Variants in PXMP2 observed in about 807,000 individuals in gnomAD.
PXMP2 encodes the protein 22 kDa peroxisomal membrane protein.
Under a neutral mutation model 20.2 loss-of-function variants are expected in PXMP2, and 13 were observed. That is an observed-to-expected ratio of 0.64 (90% confidence interval 0.42 to 1.02). The LOEUF (loss-of-function observed/expected upper bound fraction) is 1.02. Ranked by LOEUF, PXMP2 falls within the 50% of genes least tolerant of loss-of-function variation. The pLI, the probability that PXMP2 is intolerant of heterozygous loss-of-function variation, is 0.00. For synonymous variants in PXMP2, 113 were observed against 111.2 expected, an observed-to-expected ratio of 1.02 and a Z score of -0.10; for missense variants, 284 against 251.8, an observed-to-expected ratio of 1.13 and a Z score of -0.87.
At position 132,696,153 on chromosome 12, in the gene PXMP2, T is replaced by A. The variant is rs2043409159; in HGVS notation, c.399+107T>A. On this transcript the variant is annotated intron_variant, in intron 3 of 4. Coordinates refer to ENST00000317479, the MANE Select transcript of PXMP2 (RefSeq NM_018663.3). The surrounding 1 kb of genome is among the most constrained non-coding windows in gnomAD (Gnocchi z 4.4). ...GGGTCTGCAGATTTTTCACTCAAAT[T>A]GAAATTTTGCATTTTCTTTTATGAA... is the stretch of plus-strand genomic sequence containing the variant. The A allele has an allele frequency of 1.5e-6, 2 of 1,322,352 alleles. No individual in the cohort carries two copies. Among genetic ancestry groups the A allele is most frequent in the Admixed American group, 5.2e-5 (2 of 38,120 alleles). The allele number at this position is 1,322,352 out of a possible 1,614,324, so 81.9% of individuals were successfully genotyped here. A position where few individuals can be genotyped will look rare whatever the true frequency, so the allele number is the denominator to read the frequency against.
At chr12:132,701,625 GC>G in intron 4 of PXMP2, 2 of 489,722 alleles carry the variant, frequency 4.1e-6, no homozygotes, top group South Asian at 4.9e-5. Flanking sequence ...GGTCGTCTTT[GC>G]CTCTTCTGTT....
intron 2 of PXMP2, among the ~76,000 whole-genome samples, chr12:132,695,639 C>T (rs2043405937): frequency 1.3e-5 from 2 of 152,216 alleles, no homozygotes; most frequent in South Asian, 2.1e-4. Context: ...TGAGGAGGAG[C>T]GAGCCAACAT....
intron 3 of PXMP2, among the ~76,000 whole-genome samples, chr12:132,698,664 TC>T (rs2074014658): frequency 6.6e-6 from 1 of 152,214 alleles, no homozygotes; most frequent in Non-Finnish European, 1.5e-5. Context: ...AGTCTCACTC[TC>T]GCCCAGGCTG....
rs756130180 is a variant in PXMP2 at position 132,704,801 on chromosome 12, C to T, written c.*114C>T. ...GTCACTGACTCTAAATCAGGTGATT[C>T]AAGATGCCCAAAAATGATGGATAGA... On this transcript the variant is annotated 3_prime_UTR_variant, in exon 5 of 5. Transcript: ENST00000317479. 1.3e-5 allele frequency: 13 copies of T among 983,848 alleles called. No homozygotes were observed. In the East Asian group the frequency reaches 3.2e-4, roughly 24 times the overall value. The allele number at this position is 983,848 out of a possible 1,614,324, so 60.9% of individuals were successfully genotyped here. A position where few individuals can be genotyped will look rare whatever the true frequency, so the allele number is the denominator to read the frequency against.
intron 2 of PXMP2, among the ~76,000 whole-genome samples, chr12:132,694,466 G>A (rs1298537002): frequency 1.1e-5 from 1 of 89,256 alleles, no homozygotes; most frequent in African/African-American, 3.8e-5. Context: ...GCCAGTTAGT[G>A]AGCTCCCTTA....
intron 2 of PXMP2, among the ~76,000 whole-genome samples, chr12:132,693,846 G>A (rs1191711642): frequency 1.0e-5 from 1 of 97,682 alleles, no homozygotes; most frequent in African/African-American, 3.8e-5. Flanking sequence ...TAGTTAGTGA[G>A]CTCCCTTGCC....
chr12:132,698,054 C>T (rs1212127251), intron 3 of PXMP2, among the ~76,000 whole-genome samples: 1 of 151,574 alleles, frequency 6.6e-6, no homozygotes, highest in African/African-American at 2.4e-5. Flanking sequence ...CACTGTTGCC[C>T]AGGCTGGAGT....
At chr12:132,690,236 G>A in intron 1 of PXMP2, 27 bp from the exon 2 acceptor site, 2 of 1,585,706 alleles carry the variant, frequency 1.3e-6, no homozygotes, top group Non-Finnish European at 1.7e-6. Context: ...GGTCACTGCT[G>A]TTTTCTGATG....
chr12:132,694,192 A>T (rs1345693327), intron 2 of PXMP2, among the ~76,000 whole-genome samples: 40 of 65,772 alleles, frequency 6.1e-4, no homozygotes, highest in Admixed American at 9.3e-4. Context: ...AGCTAGTTAG[A>T]GAGCTCCCTT....
chr12:132,702,781 G>T (rs1225717240), intron 4 of PXMP2, among the ~76,000 whole-genome samples: 1 of 152,214 alleles, frequency 6.6e-6, no homozygotes, highest in Non-Finnish European at 1.5e-5. Flanking sequence ...TGCAGTGGCT[G>T]GACCTCAGCT....
At chr12:132,688,289 A>G (rs2043331623) in intron 1 of PXMP2, 1 of 225,092 alleles carries the variant, frequency 4.4e-6, no homozygotes, top group Non-Finnish European at 8.5e-6. Flanking sequence ...GCGGGTGAAG[A>G]CAGGGCCAGG....
intron 1 of PXMP2, among the ~76,000 whole-genome samples, chr12:132,689,708 A>G (rs760028170): frequency 6.6e-5 from 10 of 152,216 alleles, no homozygotes; most frequent in Non-Finnish European, 1.2e-4. Flanking sequence ...TATTGTGATA[A>G]TTGTAGATTC....
intron 3 of PXMP2, among the ~76,000 whole-genome samples, chr12:132,698,164 C>T (rs1248826970): frequency 6.6e-6 from 1 of 152,036 alleles, no homozygotes; most frequent in Non-Finnish European, 1.5e-5. Flanking sequence ...TGCCCGCCAC[C>T]ATGCCCGGCT....
intron 4 of PXMP2, chr12:132,702,466 G>C (rs570864763): frequency 6.1e-5 from 25 of 406,544 alleles, no homozygotes; most frequent in Non-Finnish European, 1.1e-4. Context: ...TGGGAGGATG[G>C]GGTGCAGCAC....
intron 2 of PXMP2, among the ~76,000 whole-genome samples, chr12:132,690,580 T>C (rs1163231126): frequency 2.8e-5 from 1 of 35,636 alleles, no homozygotes; most frequent in African/African-American, 9.0e-5. Flanking sequence ...TGTTTTTTCT[T>C]TTTTTTTGGA....
At chr12:132,689,181 T>TG (rs1193459101) in intron 1 of PXMP2, among the ~76,000 whole-genome samples, 80 of 133,558 alleles carry the variant, frequency 6.0e-4, no homozygotes, top group African/African-American at 2.2e-3. Flanking sequence ...GGGGCACGGG[T>TG]AAAGACAGGG....
Position 132,696,050 on chromosome 12 carries a change from G to A in PXMP2, c.399+4G>A. ...CCTCATCATGAACTTTCTGGAGGTGGGTGTCTGCCACAGCACTTACTGCAG... is the reference window on the plus strand; with the variant it reads ...CCTCATCATGAACTTTCTGGAGGTGAGTGTCTGCCACAGCACTTACTGCAG... On this transcript the variant is annotated splice_donor_region_variant and intron_variant, in intron 3 of 4. Transcript: ENST00000317479. The surrounding 1 kb of genome is among the most constrained non-coding windows in gnomAD (Gnocchi z 4.4). The A allele has an allele frequency of 2.5e-6, 4 of 1,599,960 alleles. No individual in the cohort carries two copies. Among genetic ancestry groups the A allele is most frequent in the Non-Finnish European group, 3.4e-6 (4 of 1,171,830 alleles).
chr12:132,704,729 T>G lies in PXMP2; in HGVS notation c.*42T>G, dbSNP rs1476045612. The G allele has an allele frequency of 6.3e-7, 1 of 1,581,244 alleles. No individual in the cohort carries two copies. ...ATCAGGTGCACTGTGGACGTGGGTC[T>G]GGGGGTCTCACCCGCCCAGCGAGAG... On this transcript the variant is annotated 3_prime_UTR_variant, in exon 5 of 5. Transcript: ENST00000317479.
intron 4 of PXMP2, among the ~76,000 whole-genome samples, chr12:132,702,226 C>T (rs1365825117): frequency 2.0e-5 from 3 of 152,264 alleles, no homozygotes; most frequent in African/African-American, 4.8e-5. Flanking sequence ...CACCTGCAGC[C>T]ATGGCAGCCA....
Sources: allele counts gnomAD v4.1 joint callset (sites outside exome capture counted in the v4.1 genomes callset), GRCh38; gene constraint gnomAD v4.1.1; non-coding constraint Gnocchi (gnomAD v3.1); transcripts MANE v1.5; gene names NCBI Gene and HGNC (gene_info 2026-07-23, HGNC 2026-07-21).